FAM200A: variants seen among roughly 807,000 people sequenced by gnomAD.
FAM200A encodes the protein protein FAM200A.
FAM200A carries 26 observed loss-of-function variants against 44.2 expected under a neutral mutation model. The observed-to-expected ratio is 0.59, with a 90% CI of 0.43 to 0.82. The LOEUF (loss-of-function observed/expected upper bound fraction) is 0.82, where lower values mean the gene tolerates loss of function less well. Ranked by LOEUF, FAM200A falls within the 40% of genes least tolerant of loss-of-function variation. The pLI, the probability that FAM200A is intolerant of heterozygous loss-of-function variation, is 0.00. For synonymous variants in FAM200A, 206 were observed against 244.4 expected (o/e 0.84, Z 1.47); for missense variants, 606 against 669.5 (o/e 0.91, Z 1.05).
At chr7:99,549,591 C>T (rs1295312481) in intron 1 of FAM200A, among the ~76,000 whole-genome samples, 1 of 152,158 alleles carries the variant, frequency 6.6e-6, no homozygotes, top group East Asian at 1.9e-4. Context: ...TATAAAGACA[C>T]ATGCACATGT....
intron 1 of FAM200A, among the ~76,000 whole-genome samples, 153 bp downstream of exon 1, chr7:99,551,701 T>G (rs889215312): frequency 1.3e-5 from 2 of 152,152 alleles, no homozygotes. Context: ...TGGGCACAAC[T>G]GGGGAGCACA....
chr7:99,553,089 ATATATATATATTTTTTTT>A (rs1802591945), upstream of FAM200A, among the ~76,000 whole-genome samples: 2 of 100,288 alleles, frequency 2.0e-5, no homozygotes, highest in South Asian at 6.9e-4. Context: ...ATATATATAT[ATATATATATATTTTTTTT>A]TTTTTTTTTT....
intron 1 of FAM200A, among the ~76,000 whole-genome samples, chr7:99,549,870 T>TG (rs1802488694): frequency 6.6e-6 from 1 of 150,602 alleles, no homozygotes; most frequent in African/African-American, 2.5e-5. Flanking sequence ...GGACACAGGG[T>TG]GGGGAACATC....
upstream of FAM200A, among the ~76,000 whole-genome samples, chr7:99,556,111 C>T (rs1802669998): frequency 6.6e-6 from 1 of 152,064 alleles, no homozygotes; most frequent in Non-Finnish European, 1.5e-5. Context: ...AACCACTGGG[C>T]CCCACCAAAA....
upstream of FAM200A, among the ~76,000 whole-genome samples, chr7:99,552,811 AACGGCT>A (rs1406302994): frequency 6.6e-6 from 1 of 151,898 alleles, no homozygotes; most frequent in Admixed American, 6.6e-5. Flanking sequence ...CTACAAAAGG[AACGGCT>A]ACCTGATACA....
upstream of FAM200A, among the ~76,000 whole-genome samples, chr7:99,554,817 T>C (rs1463759142): frequency 6.6e-6 from 1 of 152,122 alleles, no homozygotes; most frequent in Non-Finnish European, 1.5e-5. Flanking sequence ...ACTGACCCAA[T>C]CCCCAATCTG....
chr7:99,549,492 G>A (rs1053109748), intron 1 of FAM200A, among the ~76,000 whole-genome samples: 7 of 152,140 alleles, frequency 4.6e-5, no homozygotes, highest in East Asian at 1.9e-4. Flanking sequence ...ACAGTGTGGC[G>A]ATTCCTCAAA....
rs769750524 is a variant in FAM200A at position 99,546,990 on chromosome 7, T to C, written c.1418A>G (p.Glu473Gly). The change falls in exon 2 of 2, where the codon GAA becomes GGA. Residue 473 changes from glutamate (E) to glycine (G), a missense_variant. Transcript: ENST00000449309. ...SIIELNLEPE[E>G]ENELLQLSSS... ...ACTGAGCTGCAATAATTCATTCTCTTCTTCAGGCTCCAAGTTTAACTCAAT... is the reference window on the plus strand; with the variant it reads ...ACTGAGCTGCAATAATTCATTCTCTCCTTCAGGCTCCAAGTTTAACTCAAT... 66 of 1,550,138 alleles carry C rather than the reference T, an allele frequency of 4.3e-5. No individual in the cohort carries two copies. Among genetic ancestry groups the C allele is most frequent in the Non-Finnish European group, 5.7e-5 (65 of 1,146,806 alleles).
chr7:99,554,478 C>CAAAAAAAAAA (rs397889799), upstream of FAM200A, among the ~76,000 whole-genome samples: 82 of 51,904 alleles, frequency 1.6e-3, no homozygotes, highest in African/African-American at 2.5e-3. Context: ...GACTCCGTCT[C>CAAAAAAAAAA]AAAAAAAAAA....
chr7:99,547,972 C>T lies in FAM200A; in HGVS notation c.436G>A (p.Glu146Lys). 1 of 1,551,440 alleles carries T rather than the reference C, an allele frequency of 6.4e-7. No homozygotes were observed. The highest frequency in any genetic ancestry group is 8.7e-7 in the Non-Finnish European group (1 of 1,146,984). ...GGACAACTTGCAATATCAGTGCTCTCATCGAGTTGGATTGCAAAGTCTATA... is the reference window on the plus strand; with the variant it reads ...GGACAACTTGCAATATCAGTGCTCTTATCGAGTTGGATTGCAAAGTCTATA... ...SGIDFAIQLD[E>K]STDIASCPTL... Residue 146 changes from glutamate (E) to lysine (K), a missense_variant, in exon 2 of 2, where the codon GAG (glutamate) becomes AAG (lysine). By Grantham distance (56) the Glu-to-Lys change is moderately conservative. Coordinates refer to ENST00000449309, the MANE Select transcript of FAM200A (RefSeq NM_145111.4).
At chr7:99,556,603 G>C (rs1217623360), upstream of FAM200A, among the ~76,000 whole-genome samples, 2 of 151,866 alleles carry the variant, frequency 1.3e-5, no homozygotes, top group African/African-American at 4.8e-5. Context: ...ATACCATCCT[G>C]ATTACTGTAC....
chr7:99,555,718 G>A (rs1290386310), upstream of FAM200A, among the ~76,000 whole-genome samples: 3 of 152,046 alleles, frequency 2.0e-5, no homozygotes, highest in African/African-American at 7.2e-5. Context: ...AGATCAGCCT[G>A]GCTAACATGG....
intron 1 of FAM200A, 68 bp downstream of exon 1, chr7:99,551,786 G>A: frequency 2.0e-6 from 2 of 979,902 alleles, no homozygotes; most frequent in Non-Finnish European, 2.4e-6. Flanking sequence ...GAAGGGACAC[G>A]CAGACCGCCT....
At chr7:99,553,853 G>A (rs2151132810), upstream of FAM200A, among the ~76,000 whole-genome samples, 1 of 152,332 alleles carries the variant, frequency 6.6e-6, no homozygotes, top group East Asian at 1.9e-4. Context: ...GCTTCTGGAT[G>A]ATGAGTATGC....
In FAM200A at chr7:99,549,584, A is replaced by G. The variant is rs185617950; in HGVS notation, c.-99-1078T>C. ...AAAGGATTATAAATCATGCTGCTAT[A>G]AAGACACATGCACATGTATGTTTAT... On this transcript the variant is annotated intron_variant, in intron 1 of 1. Transcript: ENST00000449309. Among the ~76,000 whole-genome samples, 436 of 152,322 alleles carry G rather than the reference A, an allele frequency of 2.9e-3. 1 individual carries two copies. Among genetic ancestry groups the G allele is most frequent in the African/African-American group, 0.01 (424 of 41,566 alleles).
chr7:99,553,996 T>C (rs1455363335), upstream of FAM200A, among the ~76,000 whole-genome samples: 1 of 152,146 alleles, frequency 6.6e-6, no homozygotes, highest in Non-Finnish European at 1.5e-5. Flanking sequence ...GGCAAAGTAG[T>C]TGGGGAAGAC....
chr7:99,554,664 G>A (rs571124517), upstream of FAM200A, among the ~76,000 whole-genome samples: 36 of 151,968 alleles, frequency 2.4e-4, no homozygotes, highest in Non-Finnish European at 4.7e-4. Context: ...CCTACCTTAG[G>A]CTACCTCCTC....
At position 99,547,093 on chromosome 7, in the gene FAM200A, G is replaced by C; in HGVS notation, c.1315C>G (p.Pro439Ala). ...SLSQTFNYYFPEEKFESLKEN... is the reference protein window; with the variant it reads ...SLSQTFNYYFAEEKFESLKEN... ...TTTAATGATTCAAATTTCTCTTCCG[G>C]AAAGTAATAATTAAAAGTTTGAGAC... is the stretch of plus-strand genomic sequence containing the variant. The change falls in exon 2 of 2, where the codon CCG becomes GCG. Residue 439 changes from proline (P) to alanine (A), a missense_variant. Pro to Ala is a conservative substitution (Grantham distance 27). Coordinates refer to ENST00000449309, the MANE Select transcript of FAM200A (RefSeq NM_145111.4). The C allele has an allele frequency of 6.5e-7, 1 of 1,546,850 alleles. No individual in the cohort carries two copies. Among genetic ancestry groups the C allele is most frequent in the Non-Finnish European group, 8.7e-7 (1 of 1,145,830 alleles).
chr7:99,548,099 A>G lies in FAM200A; in HGVS notation c.309T>C (p.Asp103=). 4 of 1,551,724 alleles carry G rather than the reference A, an allele frequency of 2.6e-6. No individual in the cohort carries two copies. In the South Asian group the frequency reaches 4.8e-5, roughly 18 times the overall value. The part of the protein sequence containing the change: ...VRTIFDDKSA[D]KLRTIPLSDN... ...CACTAAGAGGTATAGTTCTTAGTTT[A>G]TCAGCTGATTTGTCATCAAAAATTG... The change falls in exon 2 of 2, where the codon GAT becomes GAC. Residue 103 remains aspartate (D), a synonymous_variant. Transcript: ENST00000449309.
Sources: allele counts gnomAD v4.1 joint callset (sites outside exome capture counted in the v4.1 genomes callset), GRCh38; gene constraint gnomAD v4.1.1; transcripts MANE v1.5; gene names NCBI Gene and HGNC (gene_info 2026-07-23, HGNC 2026-07-21).